The following CSMD1 variants were observed in gnomAD, a reference collection of about 807,000 sequenced individuals.
The protein encoded by CSMD1 is CUB and sushi domain-containing protein 1.
CSMD1 carries 213 observed loss-of-function variants against 417.5 expected under a neutral mutation model. The observed-to-expected ratio is 0.51, with a 90% CI of 0.46 to 0.57. The LOEUF (loss-of-function observed/expected upper bound fraction) is 0.57. Among genes scored for constraint, CSMD1 ranks in the 20% least tolerant of loss-of-function variants. The pLI is 0.00. For missense variants in CSMD1, 6,923 were observed against 4,529.7 expected, an observed-to-expected ratio of 1.53 and a Z score of -15.17; for synonymous variants, 2,862 against 1,736.8, an observed-to-expected ratio of 1.65 and a Z score of -16.11.
chr8:4,412,813 C>G (rs769612526), intron 3 of CSMD1, among the ~76,000 whole-genome samples: 5 of 152,158 alleles, frequency 3.3e-5, no homozygotes, highest in Admixed American at 3.3e-4. Context: ...TTAACTCACT[C>G]TAGGCCTGTA....
At chr8:3,180,855 C>G (rs1365813622) in intron 37 of CSMD1, among the ~76,000 whole-genome samples, 2 of 151,846 alleles carry the variant, frequency 1.3e-5, no homozygotes, top group Non-Finnish European at 2.9e-5. Flanking sequence ...TGTTGGACAG[C>G]CTGGTCTTGA....
intron 26 of CSMD1, among the ~76,000 whole-genome samples, chr8:3,256,947 A>C (rs540537542): frequency 6.6e-6 from 1 of 152,324 alleles, no homozygotes; most frequent in African/African-American, 2.4e-5. Flanking sequence ...ATTATCTAAA[A>C]CTCAGTAAAT....
At chr8:3,463,742 C>G (rs1262230204) in intron 12 of CSMD1, among the ~76,000 whole-genome samples, 1 of 152,186 alleles carries the variant, frequency 6.6e-6, no homozygotes, top group Non-Finnish European at 1.5e-5. Flanking sequence ...CCAGTACAAC[C>G]ACGCAAGACG....
At chr8:3,393,418 G>A (rs1263501701) in intron 17 of CSMD1, among the ~76,000 whole-genome samples, 1 of 152,270 alleles carries the variant, frequency 6.6e-6, no homozygotes, top group Middle Eastern at 3.4e-3. Flanking sequence ...AATTATCACT[G>A]TATAAACAGG....
chr8:3,723,052 C>T (rs1374586229), intron 6 of CSMD1, among the ~76,000 whole-genome samples: 1 of 152,164 alleles, frequency 6.6e-6, no homozygotes, highest in African/African-American at 2.4e-5. Context: ...GGAACTAGCG[C>T]AGCTGCTTTC....
chr8:3,761,054 T>G (rs920948319), intron 5 of CSMD1, among the ~76,000 whole-genome samples: 1 of 152,174 alleles, frequency 6.6e-6, no homozygotes. Flanking sequence ...TAGAACAACC[T>G]GATCAAACAG....
Position 4,265,994 on chromosome 8 carries a change from G to C in CSMD1, c.415+153959C>G, listed in dbSNP as rs1186584836. 1.3e-4 allele frequency among the ~76,000 whole-genome samples: 13 copies of C among 103,794 alleles called. 1 individual carries two copies. The highest frequency in any genetic ancestry group is 3.4e-4 in the African/African-American group (13 of 38,190). 68.1% of individuals were successfully genotyped at this position (103,794 alleles called of 152,430 possible). A position where few individuals can be genotyped will look rare whatever the true frequency, so the allele number is the denominator to read the frequency against. ...TCCATGCCTACTTTGTGTGCGTTTG[G>C]GCTGTGTAAGTCATCCCAAACCGGC... On this transcript the variant is annotated intron_variant, in intron 3 of 69. Transcript: ENST00000635120.
At chr8:2,947,900 G>C (rs1334724400) in intron 68 of CSMD1, among the ~76,000 whole-genome samples, 2 of 150,408 alleles carry the variant, frequency 1.3e-5, no homozygotes, top group African/African-American at 2.4e-5. Flanking sequence ...TTGAATAGTG[G>C]AAGTAAAGTA....
chr8:3,370,567 G>C (rs373132573), intron 18 of CSMD1, among the ~76,000 whole-genome samples: 2 of 152,238 alleles, frequency 1.3e-5, no homozygotes, highest in African/African-American at 2.4e-5. Flanking sequence ...GGTCATGTCT[G>C]TGAGGGTGCT....
intron 1 of CSMD1, among the ~76,000 whole-genome samples, chr8:4,643,995 C>G (rs577739474): frequency 1.6e-4 from 25 of 152,222 alleles, no homozygotes; most frequent in African/African-American, 5.8e-4. Flanking sequence ...GTTTTACTCC[C>G]AAACACTTAT....
At chr8:4,551,688 T>C (rs180863968) in intron 2 of CSMD1, among the ~76,000 whole-genome samples, 1 of 152,040 alleles carries the variant, frequency 6.6e-6, no homozygotes. Flanking sequence ...TTATTTATTT[T>C]TTGAGACAGG....
chr8:3,744,391 G>A (rs1212611320), intron 6 of CSMD1, among the ~76,000 whole-genome samples: 2 of 152,088 alleles, frequency 1.3e-5, no homozygotes, highest in Admixed American at 1.3e-4. Context: ...TTGGAACCCA[G>A]GTTAATGAAT....
At chr8:4,686,113 C>G (rs550629955) in intron 1 of CSMD1, among the ~76,000 whole-genome samples, 1 of 152,304 alleles carries the variant, frequency 6.6e-6, no homozygotes, top group African/African-American at 2.4e-5. Context: ...GAAGCTGTGT[C>G]AGAAAATTTG....
At chr8:3,626,621 C>A (rs1767911334) in intron 7 of CSMD1, among the ~76,000 whole-genome samples, 1 of 151,384 alleles carries the variant, frequency 6.6e-6, no homozygotes, top group Non-Finnish European at 1.5e-5. Flanking sequence ...AATGATGAGT[C>A]CCCACAGAAA....
At chr8:4,776,831 T>C (rs1796878487) in intron 1 of CSMD1, among the ~76,000 whole-genome samples, 1 of 152,134 alleles carries the variant, frequency 6.6e-6, no homozygotes, top group Non-Finnish European at 1.5e-5. Context: ...CTCTTACTGA[T>C]TTCTGATTCT....
intron 26 of CSMD1, among the ~76,000 whole-genome samples, chr8:3,262,495 G>T (rs926774605): frequency 6.6e-6 from 1 of 150,798 alleles, no homozygotes; most frequent in Non-Finnish European, 1.5e-5. Flanking sequence ...CATAATTACT[G>T]TTTATCCAAG....
At chr8:3,325,147 C>T (rs1256103660) in intron 23 of CSMD1, among the ~76,000 whole-genome samples, 8 of 152,158 alleles carry the variant, frequency 5.3e-5, no homozygotes, top group African/African-American at 1.9e-4. Flanking sequence ...TCAAAATCAG[C>T]AACAGCATGA....
chr8:4,958,937 C>T (rs1467460821), intron 1 of CSMD1, among the ~76,000 whole-genome samples: 1 of 152,044 alleles, frequency 6.6e-6, no homozygotes, highest in East Asian at 1.9e-4. Context: ...AAGCAGCTGC[C>T]TTTGCTTCCT....
chr8:4,328,150 T>G (rs970306593), intron 3 of CSMD1, among the ~76,000 whole-genome samples: 11 of 152,144 alleles, frequency 7.2e-5, no homozygotes, highest in African/African-American at 2.7e-4. Context: ...TCAAAGATGT[T>G]AAATGCCTCA....
Sources: gnomAD v4.1 joint callset for allele counts (sites outside exome capture counted in the v4.1 genomes callset) on GRCh38, gnomAD v4.1.1 for gene constraint, MANE v1.5 for transcripts, NCBI Gene and HGNC (gene_info 2026-07-23, HGNC 2026-07-21) for gene names.